Variants in TTC8 observed in about 807,000 individuals in gnomAD.
TTC8 encodes tetratricopeptide repeat domain 8.
TTC8 carries 47 observed loss-of-function variants against 72.5 expected under a neutral mutation model. That is an observed-to-expected ratio of 0.65 (90% confidence interval 0.51 to 0.83). The LOEUF is 0.83. TTC8 is among the 40% of genes least tolerant of loss of function. The probability of loss-of-function intolerance (pLI) is 0.00; values close to 1 mark genes in which losing one functional copy is unlikely to be tolerated. For missense variants in TTC8, 611 were observed against 623.2 expected, an observed-to-expected ratio of 0.98 and a Z score of 0.21; for synonymous variants, 199 against 221.4, an observed-to-expected ratio of 0.90 and a Z score of 0.90.
At chr14:88,853,134 G>C (rs555186787) in intron 8 of TTC8, 78 bp downstream of exon 8, 9 of 1,045,440 alleles carry the variant, frequency 8.6e-6, no homozygotes, top group Non-Finnish European at 5.9e-6. Context: ...TTTGAGGGGG[G>C]GGAGATTTTC....
intron 1 of TTC8, among the ~76,000 whole-genome samples, chr14:88,828,263 A>G (rs933717715): frequency 1.3e-5 from 2 of 152,168 alleles, no homozygotes; most frequent in Non-Finnish European, 2.9e-5. Flanking sequence ...CATCATTGCT[A>G]TCTCTTACAG....
chr14:88,864,105 A>G (rs1456139623), intron 10 of TTC8, among the ~76,000 whole-genome samples: 1 of 152,210 alleles, frequency 6.6e-6, no homozygotes, highest in Non-Finnish European at 1.5e-5. Context: ...AATAGCTTCT[A>G]TACCTAGGTG....
At chr14:88,874,821 A>G (rs1281446115) in intron 13 of TTC8, among the ~76,000 whole-genome samples, 1 of 152,122 alleles carries the variant, frequency 6.6e-6, no homozygotes, top group Non-Finnish European at 1.5e-5. Flanking sequence ...TATTATTAAC[A>G]TAATTTTGGC....
chr14:88,827,650 T>G (rs2094707472), intron 1 of TTC8, among the ~76,000 whole-genome samples: 1 of 152,250 alleles, frequency 6.6e-6, no homozygotes, highest in Non-Finnish European at 1.5e-5. Context: ...TGTGCTGTTA[T>G]TACTCTATGT....
chr14:88,864,302 A>G (rs559103520), intron 10 of TTC8, among the ~76,000 whole-genome samples: 1 of 152,352 alleles, frequency 6.6e-6, no homozygotes, highest in Non-Finnish European at 1.5e-5. Context: ...TGGACTCTAA[A>G]TTGAGTATGA....
At chr14:88,861,161 T>C (rs2094884217) in intron 9 of TTC8, 61 bp from the exon 10 acceptor site, 2 of 1,216,754 alleles carry the variant, frequency 1.6e-6, no homozygotes, top group Non-Finnish European at 2.4e-6. Context: ...TAATTATAAA[T>C]GTCATAACAA....
chr14:88,831,603 G>A (rs2094726326), intron 1 of TTC8, among the ~76,000 whole-genome samples: 1 of 152,188 alleles, frequency 6.6e-6, no homozygotes, highest in Non-Finnish European at 1.5e-5. Flanking sequence ...GGTGATGATA[G>A]TATACCTATA....
At chr14:88,851,460 T>C (rs1380891110) in intron 7 of TTC8, among the ~76,000 whole-genome samples, 2 of 152,182 alleles carry the variant, frequency 1.3e-5, no homozygotes, top group Non-Finnish European at 2.9e-5. Flanking sequence ...TAAAAAATTT[T>C]TGCATGACAT....
intron 8 of TTC8, among the ~76,000 whole-genome samples, chr14:88,856,550 G>A (rs2094857028): frequency 1.3e-5 from 2 of 152,122 alleles, no homozygotes; most frequent in South Asian, 2.1e-4. Flanking sequence ...TGAATTAGTG[G>A]CAACAGATTC....
intron 6 of TTC8, among the ~76,000 whole-genome samples, chr14:88,842,547 G>A (rs1472838227): frequency 6.6e-6 from 1 of 152,058 alleles, no homozygotes; most frequent in East Asian, 1.9e-4. Context: ...TGGAATATCT[G>A]GTTCCCTACC....
At chr14:88,829,690 A>G (rs1192559042) in intron 1 of TTC8, among the ~76,000 whole-genome samples, 1 of 152,204 alleles carries the variant, frequency 6.6e-6, no homozygotes, top group East Asian at 1.9e-4. Context: ...GTTTTGCCCC[A>G]ATCTCTGCTT....
chr14:88,874,945 T>C, intron 13 of TTC8, 81 bp from the exon 14 acceptor site: 1 of 1,105,610 alleles, frequency 9.0e-7, no homozygotes, highest in Non-Finnish European at 1.3e-6. Context: ...AAGAATTCTT[T>C]TACCAAAAAA....
At chr14:88,843,010 G>A (rs1663506406) in intron 6 of TTC8, among the ~76,000 whole-genome samples, 1 of 151,888 alleles carries the variant, frequency 6.6e-6, no homozygotes, top group Non-Finnish European at 1.5e-5. Flanking sequence ...TTGCCTCCAA[G>A]TCTTCTTTGT....
Position 88,875,102 on chromosome 14 carries a change from C to T in TTC8, c.1424C>T (p.Ser475Phe). 1 of 1,610,340 alleles carries T rather than the reference C, an allele frequency of 6.2e-7. No individual in the cohort carries two copies. Among genetic ancestry groups the T allele is most frequent in the Non-Finnish European group, 8.5e-7 (1 of 1,177,464 alleles). ...CCGCATTTTAATTTTGCAACAATCT[C>T]TGATAAGGTATTCTCTTTCTTCATT... Reference protein sequence around the residue: ...YEPHFNFATISDKIGDLQRSY... With the variant: ...YEPHFNFATIFDKIGDLQRSY... Residue 475 changes from serine to phenylalanine, a missense_variant, in exon 14 of 15, where the codon TCT (serine) becomes TTT (phenylalanine). Ser to Phe is a radical substitution (Grantham distance 155). Coordinates refer to ENST00000380656, the MANE Select transcript of TTC8 (RefSeq NM_144596.4).
intron 10 of TTC8, 57 bp downstream of exon 10, chr14:88,861,389 TG>T: frequency 7.7e-7 from 1 of 1,292,058 alleles, no homozygotes; most frequent in Non-Finnish European, 1.1e-6. Flanking sequence ...TACATATTTT[TG>T]TGGTACATGT....
intron 1 of TTC8, among the ~76,000 whole-genome samples, chr14:88,826,916 T>G (rs12896101): frequency 0.32 from 49,079 of 152,084 alleles, 8,137 homozygotes; most frequent in Non-Finnish European, 0.37. Context: ...AGATTCAGGA[T>G]GCACCCTAAA....
At chr14:88,861,191 A>G (rs375026130) in intron 9 of TTC8, 31 bp from the exon 10 acceptor site, 185 of 1,426,402 alleles carry the variant, frequency 1.3e-4, no homozygotes, top group Middle Eastern at 9.0e-4. Context: ...TTAAGAACCT[A>G]TACTTTTATT....
At chr14:88,877,149 G>T (rs563942072) in intron 14 of TTC8, 145 bp from the exon 15 acceptor site, 2 of 653,836 alleles carry the variant, frequency 3.1e-6, no homozygotes, top group East Asian at 2.8e-5. Flanking sequence ...GAGTTATGAT[G>T]TTAGTTGTGG....
intron 13 of TTC8, 109 bp downstream of exon 13, chr14:88,872,561 G>T: frequency 6.7e-7 from 1 of 1,484,606 alleles, no homozygotes; most frequent in Admixed American, 1.8e-5. Context: ...TCTAGAATCT[G>T]ACAGGCGTGG....
Sources: gnomAD v4.1 joint callset for allele counts (sites outside exome capture counted in the v4.1 genomes callset) on GRCh38, gnomAD v4.1.1 for gene constraint, MANE v1.5 for transcripts, NCBI Gene and HGNC (gene_info 2026-07-23, HGNC 2026-07-21) for gene names.